The following KIAA0319 variants were observed in gnomAD, a reference collection of about 807,000 sequenced individuals.
KIAA0319 encodes KIAA0319.
A neutral mutation model predicts 108.4 loss-of-function variants in KIAA0319; 83 were observed. That is an observed-to-expected ratio of 0.77 (90% confidence interval 0.64 to 0.92). KIAA0319 has a LOEUF of 0.92. Among genes scored for constraint, KIAA0319 ranks in the 40% least tolerant of loss-of-function variants. KIAA0319 has a pLI of 0.00. For synonymous variants in KIAA0319, 484 were observed against 510.4 expected, an observed-to-expected ratio of 0.95 and a Z score of 0.70; for missense variants, 1,195 against 1,322.4, an observed-to-expected ratio of 0.90 and a Z score of 1.49.
chr6:24,580,070 C>T (rs1488540427), intron 7 of KIAA0319, 120 bp from the exon 8 acceptor site: 2 of 725,094 alleles, frequency 2.8e-6, no homozygotes, highest in Non-Finnish European at 4.6e-6. Flanking sequence ...GGTGTTTATC[C>T]TACAGGCCTC....
In KIAA0319 at chr6:24,613,501, C is replaced by T. The variant is rs557854600; in HGVS notation, c.-105-12293G>A. 2.6e-5 allele frequency among the ~76,000 whole-genome samples: 4 copies of T among 152,234 alleles called. No individual in the cohort carries two copies. In the South Asian group the frequency reaches 6.2e-4, roughly 24 times the overall value. ...TTTCTCTCCCCAGAAGATCTACAAACACAACACTATGAAGAGAAAGAGCTG... is the reference window on the plus strand; with the variant it reads ...TTTCTCTCCCCAGAAGATCTACAAATACAACACTATGAAGAGAAAGAGCTG... On this transcript the variant is annotated intron_variant, in intron 1 of 20. Transcript: ENST00000378214.
At chr6:24,571,846 G>T (rs760411744) in intron 11 of KIAA0319, among the ~76,000 whole-genome samples, 10 of 152,176 alleles carry the variant, frequency 6.6e-5, no homozygotes, top group Non-Finnish European at 2.9e-5. Context: ...TCTCACCCAG[G>T]TGAGTGCTCT....
In KIAA0319 at chr6:24,577,007, C is replaced by G. The variant is rs542301358; in HGVS notation, c.1506-411G>C. 2.0e-5 allele frequency among the ~76,000 whole-genome samples: 3 copies of G among 152,058 alleles called. No individual in the cohort carries two copies. In the South Asian group the frequency reaches 6.2e-4, roughly 32 times the overall value. ...CAAGGTAAACTTAGGTCAATTTAGT[C>G]TGCTCATGGAACAGTTCTCGGAACA... On this transcript the variant is annotated intron_variant, in intron 9 of 20. Coordinates refer to ENST00000378214, the MANE Select transcript of KIAA0319 (RefSeq NM_014809.4).
intron 1 of KIAA0319, among the ~76,000 whole-genome samples, chr6:24,621,658 C>T (rs1412068080): frequency 6.6e-6 from 1 of 152,054 alleles, no homozygotes; most frequent in African/African-American, 2.4e-5. Context: ...GACATAAGAA[C>T]AGACAAAAGA....
intron 1 of KIAA0319, among the ~76,000 whole-genome samples, chr6:24,603,405 C>G (rs574990857): frequency 1.3e-5 from 2 of 152,276 alleles, no homozygotes; most frequent in African/African-American, 4.8e-5. Context: ...CACACAAGTT[C>G]ATGTTCAAAA....
At chr6:24,562,158 T>C (rs1353355762) in intron 16 of KIAA0319, among the ~76,000 whole-genome samples, 1 of 152,212 alleles carries the variant, frequency 6.6e-6, no homozygotes, top group Admixed American at 6.5e-5. Flanking sequence ...ATAAAGTCAG[T>C]AGTAATGTGC....
At chr6:24,594,639 C>A (rs1320024478) in intron 3 of KIAA0319, among the ~76,000 whole-genome samples, 7 of 43,272 alleles carry the variant, frequency 1.6e-4, no homozygotes, top group Admixed American at 3.0e-4. Context: ...AAAAAAAAAA[C>A]AACAAAAAAA....
chr6:24,542,580 G>T (rs755438313), downstream of KIAA0319, among the ~76,000 whole-genome samples: 3 of 152,088 alleles, frequency 2.0e-5, no homozygotes, highest in Non-Finnish European at 4.4e-5. Context: ...CAAAAAATTA[G>T]TCCACACCTG....
chr6:24,589,230 A>G (rs1768054646), intron 3 of KIAA0319, among the ~76,000 whole-genome samples: 2 of 152,174 alleles, frequency 1.3e-5, no homozygotes, highest in Non-Finnish European at 2.9e-5. Flanking sequence ...GTGCCCTTAT[A>G]AGTAGAGGAG....
At chr6:24,644,753 G>C (rs2127607425) in intron 1 of KIAA0319, among the ~76,000 whole-genome samples, 1 of 152,200 alleles carries the variant, frequency 6.6e-6, no homozygotes, top group Admixed American at 6.5e-5. Context: ...TTAAGTTCTT[G>C]CCTCGGCATT....
downstream of KIAA0319, among the ~76,000 whole-genome samples, chr6:24,543,292 G>A (rs907597606): frequency 6.6e-6 from 1 of 152,172 alleles, no homozygotes; most frequent in African/African-American, 2.4e-5. Flanking sequence ...GGATTACAAA[G>A]AGCCACGAGG....
rs886616830 is a variant in KIAA0319 at position 24,609,273 on chromosome 6, C to CAA, written c.-105-8067_-105-8066dup. On this transcript the variant is annotated intron_variant, in intron 1 of 20. Coordinates refer to ENST00000378214, the MANE Select transcript of KIAA0319 (RefSeq NM_014809.4). ...ACAGAGCCAGACCCTGTCTCAAAAA[C>CAA]AAAAAAAAAAAAAAAAGAAAAAAAA... 9.3e-3 allele frequency among the ~76,000 whole-genome samples: 697 copies of CAA among 74,838 alleles called. 9 individuals carry two copies. The highest frequency in any genetic ancestry group is 0.022 in the African/African-American group (491 of 21,942). 49.1% of individuals were successfully genotyped at this position (74,838 alleles called of 152,430 possible). A position where few individuals can be genotyped will look rare whatever the true frequency, so the allele number is the denominator to read the frequency against.
chr6:24,624,019 T>C (rs1241567219), intron 1 of KIAA0319, among the ~76,000 whole-genome samples: 110 of 107,012 alleles, frequency 1.0e-3, no homozygotes, highest in African/African-American at 3.4e-3. Context: ...TTTGTTTTCT[T>C]TTTTTTTTTT....
In KIAA0319 at chr6:24,594,060, G is replaced by A. The variant is rs950209973; in HGVS notation, c.801+1813C>T. 4.6e-5 allele frequency among the ~76,000 whole-genome samples: 7 copies of A among 151,340 alleles called. No homozygotes were observed. In the Middle Eastern group the frequency reaches 0.014, roughly 296 times the overall value. On this transcript the variant is annotated intron_variant, in intron 3 of 20. Transcript: ENST00000378214. The stretch of plus-strand genomic sequence containing the variant: ...CTAAAAATACAAAAATTAGCTGGGC[G>A]TGGTGGCAGATGCCTGTAATCTCAG...
rs200350454 is a variant in KIAA0319 at position 24,601,131 on chromosome 6, G to T, written c.-28C>A. The T allele has an allele frequency of 6.8e-6, 11 of 1,613,080 alleles. No homozygotes were observed. The African/African-American group carries it at 1.5e-4, about 22-fold the overall frequency. ...TGCACCACACAGTGGGTGATGGCAG[G>T]CTTCTGAGGCGGCCCTGAAGAGAGT... is the stretch of plus-strand genomic sequence containing the variant. On this transcript the variant is annotated 5_prime_UTR_variant, in exon 2 of 21. Transcript: ENST00000378214.
chr6:24,632,564 G>C (rs1042151389), intron 1 of KIAA0319, among the ~76,000 whole-genome samples: 3 of 152,212 alleles, frequency 2.0e-5, no homozygotes, highest in African/African-American at 7.2e-5. Context: ...GGCCTGGGGA[G>C]TGGTACAGAA....
At position 24,563,361 on chromosome 6, in the gene KIAA0319, G is replaced by A. The variant is rs1335125356; in HGVS notation, c.2589C>T (p.Leu863=). Residue 863 remains leucine (L), a splice_region_variant and synonymous_variant, in exon 16 of 21, where the codon CTC becomes CTT. Coordinates refer to ENST00000378214, the MANE Select transcript of KIAA0319 (RefSeq NM_014809.4). The part of the protein sequence containing the change: ...KVQKIRAHSD[L]STVIVFYVQS... ...CGCCTTGAGTGTGCAGCTCCTACCT[G>A]AGATCCGAGTGGGCCCGAATCTTCT... 6.2e-7 allele frequency: 1 copy of A among 1,611,926 alleles called. No individual in the cohort carries two copies. Among genetic ancestry groups the A allele is most frequent in the Non-Finnish European group, 8.5e-7 (1 of 1,178,880 alleles).
In KIAA0319 at chr6:24,599,638, G is replaced by A. The variant is rs1770306535; in HGVS notation, c.55+1411C>T. ...GGTGAGCTGAGCTCAGCCTATGGGG[G>A]CCTCAGCTACAGCCTGGGCTCCAGC... On this transcript the variant is annotated intron_variant, in intron 2 of 20. Coordinates refer to ENST00000378214, the MANE Select transcript of KIAA0319 (RefSeq NM_014809.4). This position sits in a 1 kb window ranked among gnomAD's most constrained non-coding sequence, Gnocchi z 4.1. The A allele has an allele frequency of 1.6e-6, 1 of 624,894 alleles. No individual in the cohort carries two copies. The highest frequency in any genetic ancestry group is 4.8e-4 in the Middle Eastern group (1 of 2,102). 38.7% of individuals were successfully genotyped at this position (624,894 alleles called of 1,614,324 possible). A position where few individuals can be genotyped will look rare whatever the true frequency, so the allele number is the denominator to read the frequency against.
At chr6:24,639,791 G>A (rs977744208) in intron 1 of KIAA0319, among the ~76,000 whole-genome samples, 1 of 150,140 alleles carries the variant, frequency 6.7e-6, no homozygotes, top group Non-Finnish European at 1.5e-5. Flanking sequence ...GAGTTGCAGT[G>A]AGCCGAGACC....
Sources: allele counts gnomAD v4.1 joint callset (sites outside exome capture counted in the v4.1 genomes callset), GRCh38; gene constraint gnomAD v4.1.1; non-coding constraint Gnocchi (gnomAD v3.1); transcripts MANE v1.5; gene names NCBI Gene and HGNC (gene_info 2026-07-23, HGNC 2026-07-21).